GTPBP4: variants seen among roughly 807,000 people sequenced by gnomAD.
GTPBP4 encodes GTP-binding protein 4.
In GTPBP4, 15 loss-of-function variants were observed where a neutral mutation model predicts 81.7. That is an observed-to-expected ratio of 0.18 (90% CI 0.12 to 0.28). The LOEUF (loss-of-function observed/expected upper bound fraction) is 0.28. Ranked by LOEUF, GTPBP4 falls within the 10% of genes least tolerant of loss-of-function variation. GTPBP4 has a pLI of 1.00. For missense variants in GTPBP4, 847 were observed against 793.8 expected (o/e 1.07, Z -0.81); for synonymous variants, 272 against 274.6 (o/e 0.99, Z 0.09).
At chr10:994,611 A>G (rs1831506815) in intron 2 of GTPBP4, among the ~76,000 whole-genome samples, 1 of 152,206 alleles carries the variant, frequency 6.6e-6, no homozygotes, top group African/African-American at 2.4e-5. Flanking sequence ...ATTAGGAAAT[A>G]TTTGATTTTA....
chr10:1,008,608 G>C (rs1034963546), intron 10 of GTPBP4, among the ~76,000 whole-genome samples: 4 of 152,064 alleles, frequency 2.6e-5, no homozygotes, highest in African/African-American at 9.7e-5. Flanking sequence ...TCTTTCATCT[G>C]TTGATCCAGT....
At position 1,013,077 on chromosome 10, in the gene GTPBP4, G is replaced by A. The variant is rs565017848; in HGVS notation, c.1542+415G>A. Among the ~76,000 whole-genome samples, 7 of 152,048 alleles carry A rather than the reference G, an allele frequency of 4.6e-5. No individual in the cohort carries two copies. The South Asian group carries it at 1.2e-3, about 27-fold the overall frequency. On this transcript the variant is annotated intron_variant, in intron 14 of 16. Transcript: ENST00000360803. ...TGGCTCACTGCAGCCTCCACCTCGC[G>A]GGTTCAAGCAATTCTCCTGCCTCAG...
At chr10:1,005,150 T>G (rs1055822669) in intron 8 of GTPBP4, among the ~76,000 whole-genome samples, 1 of 151,036 alleles carries the variant, frequency 6.6e-6, no homozygotes, top group African/African-American at 2.4e-5. Context: ...TTTGTTTGTT[T>G]GTTTGTTTGT....
chr10:1,017,247 G>C lies in GTPBP4; in HGVS notation c.*20G>C. On this transcript the variant is annotated 3_prime_UTR_variant, in exon 17 of 17. Transcript: ENST00000360803. ...AGATAGTATCCGTTTGGTTGGCGTG[G>C]CTTCGCTAGAGTGTTGCTGTTTATT... 6.2e-7 allele frequency: 1 copy of C among 1,609,954 alleles called. No homozygotes were observed. The highest frequency in any genetic ancestry group is 1.3e-5 in the African/African-American group (1 of 74,920).
rs1037321661 is a variant in GTPBP4 at position 1,017,449 on chromosome 10, T to G, written c.*222T>G. The G allele has an allele frequency of 3.5e-5, 14 of 397,592 alleles. No individual in the cohort carries two copies. The highest frequency in any genetic ancestry group is 5.8e-5 in the Non-Finnish European group (13 of 224,142). 24.6% of individuals were successfully genotyped at this position (397,592 alleles called of 1,614,324 possible). A position where few individuals can be genotyped will look rare whatever the true frequency, so the allele number is the denominator to read the frequency against. ...TTTTGAGTAGACAGTGTTTCCACAT[T>G]TAATGGAGTATCAGTTGCTTCAGAT... On this transcript the variant is annotated 3_prime_UTR_variant, in exon 17 of 17. Coordinates refer to ENST00000360803, the MANE Select transcript of GTPBP4 (RefSeq NM_012341.3).
intron 5 of GTPBP4, 81 bp from the exon 6 acceptor site, chr10:998,918 CCCAA>C: frequency 1.3e-6 from 1 of 790,750 alleles, no homozygotes; most frequent in Non-Finnish European, 2.3e-6. Context: ...TTATTTCCTA[CCCAA>C]AATCAGTCTT....
rs1408585389 is a variant in GTPBP4, at chr10:988,698, A to C, written c.48+171A>C. ...TCGGGATCATTTCCCCTCCCCCAGC[A>C]GAATCCGGGGTCCACCAGAGATCGG... On this transcript the variant is annotated intron_variant, in intron 1 of 16. Coordinates refer to ENST00000360803, the MANE Select transcript of GTPBP4 (RefSeq NM_012341.3). 1.1e-5 allele frequency: 7 copies of C among 614,910 alleles called. No individual in the cohort carries two copies. The South Asian group carries it at 1.3e-4, about 11-fold the overall frequency. 38.1% of individuals were successfully genotyped at this position (614,910 alleles called of 1,614,324 possible).
In GTPBP4 at chr10:1,010,515, A is replaced by T. The variant is rs1365965772; in HGVS notation, c.1339A>T (p.Met447Leu). The T allele has an allele frequency of 6.7e-7, 1 of 1,491,548 alleles. No homozygotes were observed. Among genetic ancestry groups the T allele is most frequent in the Non-Finnish European group, 9.4e-7 (1 of 1,068,074 alleles). The allele number at this position is 1,491,548 out of a possible 1,614,324, so 92.4% of individuals were successfully genotyped here. A position where few individuals can be genotyped will look rare whatever the true frequency, so the allele number is the denominator to read the frequency against. Residue 447 changes from methionine to leucine, a missense_variant, in exon 13 of 17, where the codon ATG (methionine) becomes TTG (leucine). Physicochemically the swap from Met to Leu is conservative, Grantham distance 15 (BLOSUM62 2). Coordinates refer to ENST00000360803, the MANE Select transcript of GTPBP4 (RefSeq NM_012341.3). ...AGCTGATTATATTGATCCAGCCATCATGAAGGTTTGTGTCACTTTTTAAAT... is the reference window on the plus strand; with the variant it reads ...AGCTGATTATATTGATCCAGCCATCTTGAAGGTTTGTGTCACTTTTTAAAT... ...NIADYIDPAI[M>L]KKLEELEKEE...
intron 13 of GTPBP4, among the ~76,000 whole-genome samples, chr10:1,011,495 T>TAACATGC (rs1236148356): frequency 1.6e-4 from 9 of 55,532 alleles, no homozygotes; most frequent in South Asian, 7.2e-4. Context: ...TGGAACATGC[T>TAACATGC]TTTTATACAA....
chr10:989,729 T>TCGATTGTAGTATTTTCTTC (rs1464131662), intron 1 of GTPBP4, among the ~76,000 whole-genome samples: 3 of 152,148 alleles, frequency 2.0e-5, no homozygotes, highest in East Asian at 1.9e-4. Flanking sequence ...CATCTCTTGA[T>TCGATTGTAGTATTTTCTTC]CGATTGTAGT....
chr10:1,015,398 A>AG (rs1831961580), intron 15 of GTPBP4, among the ~76,000 whole-genome samples: 20 of 34,936 alleles, frequency 5.7e-4, no homozygotes, highest in African/African-American at 1.1e-3. Flanking sequence ...CTGGGAGTGG[A>AG]CCTGGGGTCC....
chr10:1,005,966 C>T (rs977291486), intron 9 of GTPBP4, 59 bp downstream of exon 9: 9 of 855,624 alleles, frequency 1.1e-5, no homozygotes, highest in Admixed American at 2.4e-5. Context: ...TGATTCAAGT[C>T]AGTTGTGGGG....
In GTPBP4 at chr10:1,019,315, G is replaced by C; in HGVS notation, c.*2088G>C. On this transcript the variant is annotated 3_prime_UTR_variant, in exon 17 of 17. Coordinates refer to ENST00000360803, the MANE Select transcript of GTPBP4 (RefSeq NM_012341.3). The stretch of plus-strand genomic sequence containing the variant: ...TGTTAAATTTCCTCCCTGCAACCAG[G>C]CAGATGAGAAATATGGAAATAAGGA... 1 of 538,250 alleles carries C rather than the reference G, an allele frequency of 1.9e-6. No individual in the cohort carries two copies. The highest frequency in any genetic ancestry group is 3.3e-6 in the Non-Finnish European group (1 of 305,236). The allele number at this position is 538,250 out of a possible 1,614,324, so 33.3% of individuals were successfully genotyped here. A position where few individuals can be genotyped will look rare whatever the true frequency, so the allele number is the denominator to read the frequency against.
intron 14 of GTPBP4, 121 bp downstream of exon 14, chr10:1,012,783 T>G (rs931936545): frequency 1.5e-6 from 1 of 664,852 alleles, no homozygotes; most frequent in African/African-American, 1.8e-5. Flanking sequence ...CATTCTTGTT[T>G]TATTGGTGTA....
intron 6 of GTPBP4, 82 bp from the exon 7 acceptor site, chr10:1,000,595 G>T: frequency 1.5e-6 from 1 of 662,234 alleles, no homozygotes; most frequent in South Asian, 3.6e-5. Context: ...CTGGTTGGGT[G>T]TGTGTGAGTG....
In GTPBP4 at chr10:1,017,411, A is replaced by G. The variant is rs575669450; in HGVS notation, c.*184A>G. On this transcript the variant is annotated 3_prime_UTR_variant, in exon 17 of 17. Transcript: ENST00000360803. ...GTGTGGGAAATTTTTGTCACTGCATAATATTACAAATATTTTGAGTAGACA... is the reference window on the plus strand; with the variant it reads ...GTGTGGGAAATTTTTGTCACTGCATGATATTACAAATATTTTGAGTAGACA... The G allele has an allele frequency of 4.9e-5, 22 of 449,336 alleles. No homozygotes were observed. Among genetic ancestry groups the G allele is most frequent in the Middle Eastern group, 5.7e-4 (1 of 1,758 alleles). 27.8% of individuals were successfully genotyped at this position (449,336 alleles called of 1,614,324 possible).
At chr10:1,013,478 C>G (rs1017843338) in intron 14 of GTPBP4, among the ~76,000 whole-genome samples, 1 of 151,570 alleles carries the variant, frequency 6.6e-6, no homozygotes, top group Non-Finnish European at 1.5e-5. Context: ...GGCGTGGTGG[C>G]GGGCGCCTGT....
chr10:1,007,337 C>T (rs553625497), intron 10 of GTPBP4: 7 of 497,356 alleles, frequency 1.4e-5, no homozygotes, highest in Non-Finnish European at 2.2e-5. Context: ...CACTGCATGA[C>T]GTGGTCACTG....
At chr10:1,009,115 C>G in intron 11 of GTPBP4, 80 bp downstream of exon 11, 1 of 1,056,980 alleles carries the variant, frequency 9.5e-7, no homozygotes, top group Non-Finnish European at 1.5e-6. Flanking sequence ...CCTGGGGCAT[C>G]GAACAGGAGC....
Sources: gnomAD v4.1 joint callset for allele counts (sites outside exome capture counted in the v4.1 genomes callset) on GRCh38, gnomAD v4.1.1 for gene constraint, MANE v1.5 for transcripts, NCBI Gene and HGNC (gene_info 2026-07-23, HGNC 2026-07-21) for gene names.